HPN: variants seen among roughly 807,000 people sequenced by gnomAD.
The protein encoded by HPN is serine protease hepsin.
In HPN, 13 loss-of-function variants were observed where a neutral mutation model predicts 55.9. That is an observed-to-expected ratio of 0.23 (90% CI 0.15 to 0.37). The LOEUF (loss-of-function observed/expected upper bound fraction) is 0.37. Ranked by LOEUF, HPN falls within the 10% of genes least tolerant of loss-of-function variation. The pLI, the probability that HPN is intolerant of heterozygous loss-of-function variation, is 1.00. For synonymous variants in HPN, 225 were observed against 240.3 expected (o/e 0.94, Z 0.59); for missense variants, 451 against 575.8 (o/e 0.78, Z 2.22).
At chr19:35,062,735 G>T (rs2151768022) in intron 9 of HPN, among the ~76,000 whole-genome samples, 1 of 152,176 alleles carries the variant, frequency 6.6e-6, no homozygotes, top group Middle Eastern at 3.4e-3. Context: ...AAAAAAATTA[G>T]CTGGCTGTGG....
At chr19:35,050,434 T>C (rs1205520707) in intron 4 of HPN, 2 of 1,151,100 alleles carry the variant, frequency 1.7e-6, no homozygotes, top group Admixed American at 4.6e-5. Context: ...GGTAATTAGC[T>C]CCATTTTACA....
At chr19:35,063,860 G>A (rs1337019432) in intron 9 of HPN, among the ~76,000 whole-genome samples, 3 of 152,166 alleles carry the variant, frequency 2.0e-5, no homozygotes, top group Non-Finnish European at 2.9e-5. Flanking sequence ...TCACCTCACC[G>A]TGCCTCAGTT....
At chr19:35,065,503 C>T in intron 10 of HPN, 36 bp from the exon 11 acceptor site, 1 of 1,610,438 alleles carries the variant, frequency 6.2e-7, no homozygotes, top group East Asian at 2.2e-5. Context: ...TGTGTACACC[C>T]CCCAGCTCTG....
At chr19:35,065,176 G>A in intron 9 of HPN, 74 bp from the exon 10 acceptor site, 1 of 1,021,888 alleles carries the variant, frequency 9.8e-7, no homozygotes, top group Non-Finnish European at 1.5e-6. Flanking sequence ...AGGGGCCATG[G>A]TAGCAGCTGG....
chr19:35,061,222 G>A (rs2151766545), intron 9 of HPN, among the ~76,000 whole-genome samples: 1 of 152,352 alleles, frequency 6.6e-6, no homozygotes, highest in African/African-American at 2.4e-5. Context: ...TATTGACCGG[G>A]CGCGGTGGCT....
intron 9 of HPN, among the ~76,000 whole-genome samples, chr19:35,061,299 C>T (rs1302416484): frequency 6.6e-6 from 1 of 151,428 alleles, no homozygotes; most frequent in African/African-American, 2.4e-5. Flanking sequence ...AGTTTGAAAC[C>T]AGCCTGGCCA....
intron 4 of HPN, chr19:35,059,458 G>C: frequency 1.4e-6 from 1 of 693,892 alleles, no homozygotes; most frequent in Non-Finnish European, 2.6e-6. Context: ...CTCCAGCCTG[G>C]GCAACAGAGC....
upstream of HPN, chr19:35,041,672 GCCCCT>G: frequency 2.7e-6 from 3 of 1,130,666 alleles, no homozygotes; most frequent in Non-Finnish European, 3.3e-6. Context: ...GAATGGTCCG[GCCCCT>G]CCCCGCCCCT....
intron 2 of HPN, among the ~76,000 whole-genome samples, chr19:35,044,014 G>A (rs1473688166): frequency 6.6e-6 from 1 of 152,224 alleles, no homozygotes; most frequent in East Asian, 1.9e-4. Flanking sequence ...GAAGGGTTCC[G>A]ATTCTGCACT....
intron 2 of HPN, among the ~76,000 whole-genome samples, chr19:35,046,890 G>A (rs936782721): frequency 3.3e-5 from 5 of 152,032 alleles, no homozygotes; most frequent in East Asian, 3.9e-4. Flanking sequence ...GTGCAGTGGC[G>A]CGATCTCGGC....
chr19:35,050,464 A>G (rs1268512634), intron 4 of HPN: 1 of 1,280,614 alleles, frequency 7.8e-7, no homozygotes, highest in Non-Finnish European at 1.0e-6. Context: ...AATGAGGACC[A>G]GAGAGGACAT....
chr19:35,065,787 G>C (rs2064601005), intron 11 of HPN, 81 bp from the exon 12 acceptor site: 7 of 1,586,278 alleles, frequency 4.4e-6, no homozygotes, highest in African/African-American at 1.4e-5. Flanking sequence ...AGGGCTCTGG[G>C]GCCACAGCCC....
intron 4 of HPN, among the ~76,000 whole-genome samples, chr19:35,057,501 T>G (rs1281597907): frequency 6.6e-6 from 1 of 152,082 alleles, no homozygotes; most frequent in Non-Finnish European, 1.5e-5. Flanking sequence ...ACTATATTAT[T>G]AAAGTTATTT....
chr19:35,060,754 A>G lies in HPN; in HGVS notation c.748A>G (p.Asn250Asp). The change falls in exon 9 of 13, where the codon AAC becomes GAC. Residue 250 changes from asparagine (N) to aspartate (D), a missense_variant. Around this residue, in one of 2 missense-constraint regions of HPN, gnomAD observed 378 missense variants for 445.5 expected, o/e 0.85. Transcript: ENST00000672452. The part of the protein sequence containing the change: ...HGGYLPFRDP[N>D]SEENSNDIAL... Reference sequence around the variant, plus strand: ...GGGCTATCTTCCCTTTCGGGACCCCAACAGCGAGGAGAACAGCAACGATAT... The same window carrying G: ...GGGCTATCTTCCCTTTCGGGACCCCGACAGCGAGGAGAACAGCAACGATAT... 1.9e-6 allele frequency: 3 copies of G among 1,613,368 alleles called. No homozygotes were observed. The highest frequency in any genetic ancestry group is 2.5e-6 in the Non-Finnish European group (3 of 1,179,652).
intron 4 of HPN, 108 bp from the exon 5 acceptor site, chr19:35,059,565 G>A: frequency 7.1e-7 from 1 of 1,416,444 alleles, no homozygotes; most frequent in South Asian, 1.2e-5. Flanking sequence ...TGGGGTTCAC[G>A]TCTACACCAC....
At position 35,060,225 on chromosome 19, in the gene HPN, C is replaced by T. The variant is rs528032771; in HGVS notation, c.454+56C>T. The stretch of plus-strand genomic sequence containing the variant: ...TTAGGCCCTTGGGGAGGCCACGTCC[C>T]CTCAAGCTCCCCAGGATGGGGCCAT... On this transcript the variant is annotated intron_variant, in intron 7 of 12. Transcript: ENST00000672452. 270 of 1,610,186 alleles carry T rather than the reference C, an allele frequency of 1.7e-4. 2 individuals are homozygous for T. In the African/African-American group the frequency reaches 3.4e-3, roughly 20 times the overall value.
chr19:35,050,910 C>CTTCTTTTTTT (rs1568357736), intron 4 of HPN, among the ~76,000 whole-genome samples: 1 of 116,768 alleles, frequency 8.6e-6, no homozygotes, highest in African/African-American at 3.3e-5. Flanking sequence ...TTCTTTCTTT[C>CTTCTTTTTTT]TTTCTTTTTT....
chr19:35,049,331 G>T lies in HPN; in HGVS notation c.58G>T (p.Ala20Ser). 1 of 1,596,064 alleles carries T rather than the reference G, an allele frequency of 6.3e-7. No individual in the cohort carries two copies. Among genetic ancestry groups the T allele is most frequent in the South Asian group, 1.1e-5 (1 of 88,440 alleles). ...ATGCTGCTCCAGACCCAAGGTGGCAGCTCTCACTGCGGGGACCCTGCTACT... is the reference window on the plus strand; with the variant it reads ...ATGCTGCTCCAGACCCAAGGTGGCATCTCTCACTGCGGGGACCCTGCTACT... ...VPCCSRPKVA[A>S]LTAGTLLLLT... The change falls in exon 3 of 13, where the codon GCT becomes TCT. Residue 20 changes from alanine (A) to serine (S), a missense_variant. Ala to Ser is a moderately conservative substitution (Grantham distance 99). Around this residue, in one of 2 missense-constraint regions of HPN, gnomAD observed 378 missense variants for 445.5 expected, o/e 0.85. Coordinates refer to ENST00000672452, the MANE Select transcript of HPN (RefSeq NM_001384133.1).
intron 4 of HPN, chr19:35,059,236 A>C: frequency 6.1e-6 from 2 of 325,550 alleles, no homozygotes; most frequent in Non-Finnish European, 1.2e-5. Flanking sequence ...CAGAGGCAGG[A>C]AGATTGCTTG....
Sources: gnomAD v4.1 joint callset for allele counts (sites outside exome capture counted in the v4.1 genomes callset) on GRCh38, gnomAD v4.1.1 for gene constraint, gnomAD v4.1.1 regional missense constraint, MANE v1.5 for transcripts, NCBI Gene and HGNC (gene_info 2026-07-23, HGNC 2026-07-21) for gene names.